PPP2R1B: variants seen among roughly 807,000 people sequenced by gnomAD.
The protein encoded by PPP2R1B is protein phosphatase 2 scaffold subunit Abeta.
Under a neutral mutation model 72.7 loss-of-function variants are expected in PPP2R1B, and 58 were observed. That is an observed-to-expected ratio of 0.80 (90% CI 0.65 to 0.99). The LOEUF (loss-of-function observed/expected upper bound fraction) is 0.99. PPP2R1B is among the 50% of genes least tolerant of loss of function. The pLI is 0.00. For missense variants in PPP2R1B, 695 were observed against 733.6 expected, an observed-to-expected ratio of 0.95 and a Z score of 0.61; for synonymous variants, 256 against 264.6, an observed-to-expected ratio of 0.97 and a Z score of 0.32.
downstream of PPP2R1B, among the ~76,000 whole-genome samples, chr11:111,734,047 TC>T (rs1944271159): frequency 1.3e-5 from 2 of 152,120 alleles, no homozygotes. Flanking sequence ...GGCTGGTGTC[TC>T]CAGTGGTAAC....
chr11:111,703,409 C>G, the PPP2R1B span: 1 of 1,613,740 alleles, frequency 6.2e-7, no homozygotes, highest in Non-Finnish European at 8.5e-7. Context: ...AATAGATCAG[C>G]AGAAAACCAT....
chr11:111,752,071 G>A (rs1259727659), intron 10 of PPP2R1B, 88 bp downstream of exon 10: 2 of 1,366,988 alleles, frequency 1.5e-6, no homozygotes, highest in African/African-American at 2.9e-5. Context: ...ACAAACATAA[G>A]CATACAGGCT....
In PPP2R1B at chr11:111,753,709, C is replaced by T. The variant is rs1336146674; in HGVS notation, c.1030-132G>A. ...TGGCATGACCTTGGCTCACTGCAGC[C>T]TCACCCTCCCAGGCTCAAGCACTTC... On this transcript the variant is annotated intron_variant, in intron 8 of 14. Coordinates refer to ENST00000527614, the MANE Select transcript of PPP2R1B (RefSeq NM_002716.5). 21 of 888,806 alleles carry T rather than the reference C, an allele frequency of 2.4e-5. No homozygotes were observed. The Admixed American group carries it at 2.5e-4, about 11-fold the overall frequency. The allele number at this position is 888,806 out of a possible 1,614,324, so 55.1% of individuals were successfully genotyped here.
chr11:111,693,945 A>G, the PPP2R1B span, among the ~76,000 whole-genome samples: 21 of 152,306 alleles, frequency 1.4e-4, 1 homozygote, highest in African/African-American at 5.1e-4. Flanking sequence ...GACCTTGACC[A>G]CGTTTCCTGA....
Position 111,747,951 on chromosome 11 carries a change from C to A in PPP2R1B, c.1399+3G>T, listed in dbSNP as rs1944762883. 6 of 1,608,222 alleles carry A rather than the reference C, an allele frequency of 3.7e-6. No homozygotes were observed. The highest frequency in any genetic ancestry group is 4.3e-6 in the Non-Finnish European group (5 of 1,175,494). ...TTTCAATAATCTGTTTTTATCTACT[C>A]ACCATGGTCCACGAGCCAAGCCATA... On this transcript the variant is annotated splice_donor_region_variant and intron_variant, in intron 11 of 14. Coordinates refer to ENST00000527614, the MANE Select transcript of PPP2R1B (RefSeq NM_002716.5).
At chr11:111,745,519 G>C (rs57100241) in intron 11 of PPP2R1B, among the ~76,000 whole-genome samples, 1,631 of 152,200 alleles carry the variant, frequency 0.011, 47 homozygotes, top group African/African-American at 0.038. Flanking sequence ...CTATGTTCTT[G>C]GTTCCTCTGA....
chr11:111,742,783 A>G, intron 12 of PPP2R1B, 118 bp from the exon 13 acceptor site: 1 of 950,748 alleles, frequency 1.1e-6, no homozygotes, highest in East Asian at 2.8e-5. Context: ...TTCTAGTTTG[A>G]GCAGCTGAGT....
chr11:111,721,973 C>G, downstream of PPP2R1B: 1 of 1,483,028 alleles, frequency 6.7e-7, no homozygotes, highest in Non-Finnish European at 9.1e-7. Context: ...CCACCTCACT[C>G]TGCTCATCCA....
downstream of PPP2R1B, among the ~76,000 whole-genome samples, chr11:111,733,212 T>G (rs1396224503): frequency 1.3e-5 from 2 of 152,128 alleles, no homozygotes; most frequent in Non-Finnish European, 2.9e-5. Flanking sequence ...TGTCCGTGTT[T>G]CTGGGGGGAT....
At chr11:111,760,774 T>C (rs782661229) in intron 4 of PPP2R1B, 45 bp downstream of exon 4, 2 of 1,533,958 alleles carry the variant, frequency 1.3e-6, no homozygotes, top group East Asian at 2.3e-5. Context: ...CATAGCTTAC[T>C]ACCTGATTTC....
downstream of PPP2R1B, chr11:111,723,941 T>G (rs202037562): frequency 4.9e-5 from 79 of 1,613,848 alleles, no homozygotes; most frequent in Admixed American, 1.0e-4. Flanking sequence ...TCCCACTCCC[T>G]GTCAGTATCC....
chr11:111,741,756 A>G, intron 14 of PPP2R1B, 144 bp from the exon 15 acceptor site: 1 of 987,006 alleles, frequency 1.0e-6, no homozygotes, highest in East Asian at 2.5e-5. Flanking sequence ...AGCCAGGCTA[A>G]TCAGAAGTGA....
chr11:111,755,018 TCA>T lies in PPP2R1B; in HGVS notation c.918_919del (p.Cys306Ter), dbSNP rs781958977. On this transcript the variant is annotated stop_gained and frameshift_variant, in exon 7 of 15. Transcript: ENST00000527614. LOFTEE classifies it high-confidence loss of function. Reference sequence around the variant, plus strand: ...GGCAGCAGCTGCCCGGACTTCAGCTTCACAGTCTTTAAGTAGGTTCTGAAAGG... The same window carrying T: ...GGCAGCAGCTGCCCGGACTTCAGCTTCAGTCTTTAAGTAGGTTCTGAAAGG... The T allele has an allele frequency of 6.2e-7, 1 of 1,614,064 alleles. No individual in the cohort carries two copies. The highest frequency in any genetic ancestry group is 1.1e-5 in the South Asian group (1 of 91,066).
Position 111,743,366 on chromosome 11 carries a change from T to C in PPP2R1B, c.1554+10A>G. On this transcript the variant is annotated intron_variant, in intron 12 of 14. Transcript: ENST00000527614. ...ATTAAGCTTAGCAATAACAGTTATG[T>C]TATACTTACATTAATGCAGAATAAA... The C allele has an allele frequency of 6.3e-7, 1 of 1,597,086 alleles. No homozygotes were observed. Among genetic ancestry groups the C allele is most frequent in the Non-Finnish European group, 8.6e-7 (1 of 1,168,372 alleles).
chr11:111,737,100 A>T (rs1944361025), downstream of PPP2R1B, among the ~76,000 whole-genome samples: 1 of 152,214 alleles, frequency 6.6e-6, no homozygotes. Flanking sequence ...TTATGTGAGG[A>T]AAGTGGGAAC....
rs1565432449 is a variant in PPP2R1B at position 111,740,447 on chromosome 11, T to G, written c.*1149A>C. On this transcript the variant is annotated 3_prime_UTR_variant, in exon 15 of 15. Coordinates refer to ENST00000527614, the MANE Select transcript of PPP2R1B (RefSeq NM_002716.5). The stretch of plus-strand genomic sequence containing the variant: ...GTTGGTCAGGCTGATCTCGAATTCT[T>G]GACCTCAAATGATCCCAAATAGGTG... 1 of 979,270 alleles carries G rather than the reference T, an allele frequency of 1.0e-6. No individual in the cohort carries two copies. Among genetic ancestry groups the G allele is most frequent in the Non-Finnish European group, 1.2e-6 (1 of 824,372 alleles). The allele number at this position is 979,270 out of a possible 1,614,324, so 60.7% of individuals were successfully genotyped here. A position where few individuals can be genotyped will look rare whatever the true frequency, so the allele number is the denominator to read the frequency against.
chr11:111,740,648 T>C lies in PPP2R1B; in HGVS notation c.*948A>G. The C allele has an allele frequency of 3.0e-6, 3 of 985,308 alleles. No homozygotes were observed. The highest frequency in any genetic ancestry group is 3.6e-6 in the Non-Finnish European group (3 of 829,818). The allele number at this position is 985,308 out of a possible 1,614,324, so 61.0% of individuals were successfully genotyped here. A position where few individuals can be genotyped will look rare whatever the true frequency, so the allele number is the denominator to read the frequency against. ...AATGATAAGACTCCAGTATCACCCATACTAAAAACTTAGCAATAAAACTGC... is the reference window on the plus strand; with the variant it reads ...AATGATAAGACTCCAGTATCACCCACACTAAAAACTTAGCAATAAAACTGC... On this transcript the variant is annotated 3_prime_UTR_variant, in exon 15 of 15. Transcript: ENST00000527614.
chr11:111,701,328 A>G, the PPP2R1B span: 1 of 1,311,862 alleles, frequency 7.6e-7, no homozygotes, highest in Non-Finnish European at 1.0e-6. The surrounding 1 kb of genome is among the most constrained non-coding windows in gnomAD (Gnocchi z 4.2). Flanking sequence ...AATTCTGAGA[A>G]AATAATAAAT....
At chr11:111,737,601 C>A, downstream of PPP2R1B, 1 of 1,613,766 alleles carries the variant, frequency 6.2e-7, no homozygotes, top group Non-Finnish European at 8.5e-7. Flanking sequence ...CTGTAACTGT[C>A]CCTGACCAGG....
Sources: allele counts gnomAD v4.1 joint callset (sites outside exome capture counted in the v4.1 genomes callset), GRCh38; gene constraint gnomAD v4.1.1; non-coding constraint Gnocchi (gnomAD v3.1); transcripts MANE v1.5; gene names NCBI Gene and HGNC (gene_info 2026-07-23, HGNC 2026-07-21).